PDGFC: variants seen among roughly 807,000 people sequenced by gnomAD.
The protein encoded by PDGFC is platelet derived growth factor C, also known as platelet-derived growth factor C.
Under a neutral mutation model 35.5 loss-of-function variants are expected in PDGFC, and 12 were observed. That is an observed-to-expected ratio of 0.34 (90% CI 0.22 to 0.55). The LOEUF is 0.55. Among genes scored for constraint, PDGFC ranks in the 20% least tolerant of loss-of-function variants. The pLI, the probability that PDGFC is intolerant of heterozygous loss-of-function variation, is 0.91. For missense variants in PDGFC, 322 were observed against 412.4 expected (o/e 0.78, Z 1.90); for synonymous variants, 159 against 148.8 (o/e 1.07, Z -0.50).
At chr4:156,855,128 T>C (rs1319140360) in intron 1 of PDGFC, among the ~76,000 whole-genome samples, 1 of 152,142 alleles carries the variant, frequency 6.6e-6, no homozygotes, top group African/African-American at 2.4e-5. Context: ...AATCACTATA[T>C]ATCTGTAAGT....
chr4:156,904,809 CAT>C (rs1182607813), intron 1 of PDGFC, among the ~76,000 whole-genome samples: 4 of 151,886 alleles, frequency 2.6e-5, no homozygotes, highest in Admixed American at 2.6e-4. Context: ...TACCAACTGA[CAT>C]ATCTACACTT....
intron 5 of PDGFC, among the ~76,000 whole-genome samples, chr4:156,767,402 T>C (rs1171698852): frequency 2.0e-5 from 3 of 152,090 alleles, no homozygotes; most frequent in African/African-American, 4.8e-5. Flanking sequence ...TTCTCCAAAG[T>C]AGACAATAAT....
intron 1 of PDGFC, among the ~76,000 whole-genome samples, chr4:156,917,349 G>C (rs1056832138): frequency 6.6e-6 from 1 of 152,136 alleles, no homozygotes; most frequent in African/African-American, 2.4e-5. Context: ...TAGTTCTATG[G>C]GAAATTTATC....
rs368428455 is a variant in PDGFC, at chr4:156,970,935, C to A, written c.-32G>T. 2 of 1,456,588 alleles carry A rather than the reference C, an allele frequency of 1.4e-6. No individual in the cohort carries two copies. Among genetic ancestry groups the A allele is most frequent in the East Asian group, 4.6e-5 (2 of 43,806 alleles). The allele number at this position is 1,456,588 out of a possible 1,614,324, so 90.2% of individuals were successfully genotyped here. ...GACTGGGGTGAGAGCTCACTCACGG[C>A]GGGCACTTTGGAAGCAGCGACTCCC... is the stretch of plus-strand genomic sequence containing the variant. On this transcript the variant is annotated 5_prime_UTR_variant, in exon 1 of 6. Transcript: ENST00000502773.
chr4:156,970,228 C>A (rs542872022), intron 1 of PDGFC, among the ~76,000 whole-genome samples: 3 of 152,180 alleles, frequency 2.0e-5, no homozygotes, highest in African/African-American at 7.2e-5. Context: ...AGTACAAAGG[C>A]AAGTTTAAAA....
At chr4:156,922,656 CA>C (rs1391854661) in intron 1 of PDGFC, among the ~76,000 whole-genome samples, 5 of 151,808 alleles carry the variant, frequency 3.3e-5, no homozygotes, top group Non-Finnish European at 5.9e-5. Flanking sequence ...AGAAGTGAGC[CA>C]ATTAATACAA....
rs79498291 is a variant in PDGFC at position 156,968,218 on chromosome 4, T to C, written c.118+2568A>G. 3.0e-4 allele frequency among the ~76,000 whole-genome samples: 45 copies of C among 152,264 alleles called. No individual in the cohort carries two copies. In the East Asian group the frequency reaches 8.3e-3, roughly 28 times the overall value. Reference sequence around the variant, plus strand: ...GTAATCACCATTAGGGACTTTAGAATACTCAAGAAAAGAGAGTATCATGAG... The same window carrying C: ...GTAATCACCATTAGGGACTTTAGAACACTCAAGAAAAGAGAGTATCATGAG... On this transcript the variant is annotated intron_variant, in intron 1 of 5. Coordinates refer to ENST00000502773, the MANE Select transcript of PDGFC (RefSeq NM_016205.3).
chr4:156,850,356 C>T lies in PDGFC; in HGVS notation c.179G>A (p.Ser60Asn). 6.2e-7 allele frequency: 1 copy of T among 1,608,770 alleles called. No homozygotes were observed. Among genetic ancestry groups the T allele is most frequent in the Non-Finnish European group, 8.5e-7 (1 of 1,176,526 alleles). ...TGGATAAGTATGAGGAAACCTTGGG[C>T]TGTGAATACTTCCATTAGTAGACAC... ...ITVSTNGSIHSPRFPHTYPRN... is the reference protein window; with the variant it reads ...ITVSTNGSIHNPRFPHTYPRN... The change falls in exon 2 of 6, where the codon AGC becomes AAC. Residue 60 changes from serine to asparagine, a missense_variant. Ser to Asn is a conservative substitution (Grantham distance 46). This residue lies in a region of PDGFC where 120 missense variants were observed against 116.6 expected (regional missense o/e 1.03). Transcript: ENST00000502773.
At chr4:156,921,951 G>A (rs1389587267) in intron 1 of PDGFC, among the ~76,000 whole-genome samples, 2 of 151,982 alleles carry the variant, frequency 1.3e-5, no homozygotes, top group Non-Finnish European at 2.9e-5. Context: ...TGCAGTGATC[G>A]ATGCAATAAA....
At chr4:156,908,718 C>T (rs950778426) in intron 1 of PDGFC, among the ~76,000 whole-genome samples, 1 of 152,138 alleles carries the variant, frequency 6.6e-6, no homozygotes, top group Non-Finnish European at 1.5e-5. Context: ...TTATTCCCAT[C>T]CAAGCCAGTT....
intron 1 of PDGFC, 70 bp downstream of exon 1, chr4:156,970,715 AC>A (rs1732571471): frequency 3.2e-6 from 3 of 924,766 alleles, no homozygotes; most frequent in Non-Finnish European, 5.4e-6. Context: ...TATATCACAT[AC>A]CAACGCACAA....
intron 1 of PDGFC, among the ~76,000 whole-genome samples, chr4:156,865,562 T>C (rs920940809): frequency 1.3e-5 from 2 of 152,202 alleles, no homozygotes; most frequent in Non-Finnish European, 2.9e-5. Flanking sequence ...CAGAAACTGT[T>C]AGTCACTCAT....
intron 4 of PDGFC, among the ~76,000 whole-genome samples, chr4:156,771,218 T>C (rs564064821): frequency 6.6e-6 from 1 of 152,302 alleles, no homozygotes; most frequent in East Asian, 1.9e-4. Flanking sequence ...CAGGCGTACA[T>C]TTTCAGGCAT....
intron 1 of PDGFC, among the ~76,000 whole-genome samples, chr4:156,963,166 T>C (rs1048426299): frequency 2.0e-5 from 3 of 151,792 alleles, no homozygotes; most frequent in Non-Finnish European, 4.4e-5. Flanking sequence ...ACCCAACTAC[T>C]AGTCTAAAGA....
chr4:156,867,038 G>A (rs10517658), intron 1 of PDGFC, among the ~76,000 whole-genome samples: 17,052 of 152,058 alleles, frequency 0.11, 1,164 homozygotes, highest in African/African-American at 0.19. Flanking sequence ...TTTCCATAAA[G>A]AAGTGTAACA....
intron 3 of PDGFC, among the ~76,000 whole-genome samples, chr4:156,805,943 C>T (rs1356487411): frequency 6.6e-6 from 1 of 152,026 alleles, no homozygotes; most frequent in Admixed American, 6.6e-5. Context: ...TTCCACAGGG[C>T]ATGCTGGCCA....
intron 1 of PDGFC, among the ~76,000 whole-genome samples, chr4:156,871,580 A>G (rs1729984825): frequency 6.6e-6 from 1 of 152,144 alleles, no homozygotes; most frequent in African/African-American, 2.4e-5. Flanking sequence ...ACATATTTTT[A>G]TACATAAACT....
intron 1 of PDGFC, among the ~76,000 whole-genome samples, chr4:156,936,203 G>A (rs1356423333): frequency 6.6e-6 from 1 of 152,140 alleles, no homozygotes; most frequent in Non-Finnish European, 1.5e-5. Flanking sequence ...CGTCGTAATA[G>A]AATGAGTTTC....
intron 1 of PDGFC, among the ~76,000 whole-genome samples, chr4:156,896,326 T>C (rs986868562): frequency 6.6e-6 from 1 of 152,198 alleles, no homozygotes; most frequent in Non-Finnish European, 1.5e-5. Flanking sequence ...GGAAGAGTGC[T>C]AGATGCTTTC....
Sources: allele counts gnomAD v4.1 joint callset (sites outside exome capture counted in the v4.1 genomes callset), GRCh38; gene constraint gnomAD v4.1.1; regional missense constraint gnomAD v4.1.1; transcripts MANE v1.5; gene names NCBI Gene and HGNC (gene_info 2026-07-23, HGNC 2026-07-21).